The following INTS3 variants were observed in gnomAD, a reference collection of about 807,000 sequenced individuals.
INTS3 encodes SOSS complex subunit A.
A neutral mutation model predicts 146.3 loss-of-function variants in INTS3; 34 were observed. The observed-to-expected ratio is 0.23, with a 90% CI of 0.18 to 0.31. INTS3 has a LOEUF of 0.31. INTS3 is among the 10% of genes least tolerant of loss of function. The pLI is 1.00. For synonymous variants in INTS3, 475 were observed against 494.9 expected, an observed-to-expected ratio of 0.96 and a Z score of 0.53; for missense variants, 757 against 1,304.2, an observed-to-expected ratio of 0.58 and a Z score of 6.46.
At chr1:153,737,482 T>C (rs1671346411) in intron 1 of INTS3, among the ~76,000 whole-genome samples, 1 of 152,144 alleles carries the variant, frequency 6.6e-6, no homozygotes, top group South Asian at 2.1e-4. Context: ...GCTATTTTCA[T>C]CCTTGTTTAA....
chr1:153,771,702 T>C, intron 25 of INTS3, 94 bp from the exon 26 acceptor site: 1 of 1,228,550 alleles, frequency 8.1e-7, no homozygotes, highest in Non-Finnish European at 1.2e-6. Flanking sequence ...AGTGGGTGGG[T>C]GGGGAGGCCA....
In INTS3 at chr1:153,757,181, T is replaced by TA. The variant is rs1489937610; in HGVS notation, c.958-390dup. ...TTGAGTGGTGAACAGACCCAGCTCT[T>TA]ACTCTTGAAGAACATTTCTTGCTGT... On this transcript the variant is annotated intron_variant, in intron 9 of 29. Coordinates refer to ENST00000318967, the MANE Select transcript of INTS3 (RefSeq NM_023015.5). This position sits in a 1 kb window ranked among gnomAD's most constrained non-coding sequence, Gnocchi z 4.0. 1.3e-5 allele frequency among the ~76,000 whole-genome samples: 2 copies of TA among 152,314 alleles called. No individual in the cohort carries two copies. Among genetic ancestry groups the TA allele is most frequent in the Non-Finnish European group, 2.9e-5 (2 of 68,030 alleles).
At chr1:153,761,786 C>A in intron 14 of INTS3, 110 bp downstream of exon 14, 1 of 613,214 alleles carries the variant, frequency 1.6e-6, no homozygotes, top group Non-Finnish European at 2.9e-6. Flanking sequence ...ACTTCCGTGA[C>A]ACTGTCCATC....
rs1672350264 is a variant in INTS3 at position 153,760,640 on chromosome 1, G to A, written c.1318-187G>A. The A allele has an allele frequency of 1.3e-5, 8 of 631,534 alleles. No individual in the cohort carries two copies. The East Asian group carries it at 1.9e-4, about 15-fold the overall frequency. 39.1% of individuals were successfully genotyped at this position (631,534 alleles called of 1,614,324 possible). A position where few individuals can be genotyped will look rare whatever the true frequency, so the allele number is the denominator to read the frequency against. ...TCAAGGTAGAATCTGGTTTCCTTGG[G>A]GAGCAGCCAGGTCCAGTAAGAATTT... On this transcript the variant is annotated intron_variant, in intron 12 of 29. Transcript: ENST00000318967.
chr1:153,752,246 T>A (rs1482193048), intron 7 of INTS3, 33 bp from the exon 8 acceptor site: 1 of 1,608,750 alleles, frequency 6.2e-7, no homozygotes, highest in East Asian at 2.2e-5. Flanking sequence ...TTTTATTCTC[T>A]TTCCTGTCCC....
chr1:153,759,146 G>C (rs1276699358), intron 10 of INTS3, among the ~76,000 whole-genome samples: 1 of 151,546 alleles, frequency 6.6e-6, no homozygotes, highest in African/African-American at 2.4e-5. Flanking sequence ...TGAGCCAGGT[G>C]AGGTGGTGCG....
In INTS3 at chr1:153,772,888, G is replaced by A. The variant is rs1283818238; in HGVS notation, c.2895-37G>A. The A allele has an allele frequency of 6.2e-7, 1 of 1,611,582 alleles. No homozygotes were observed. The highest frequency in any genetic ancestry group is 8.5e-7 in the Non-Finnish European group (1 of 1,178,122). ...GATGGGAGGTGCCGTAGGAGCAGCA[G>A]GCTCCCACTCAAAGAGCTACCGCTC... is the stretch of plus-strand genomic sequence containing the variant. On this transcript the variant is annotated intron_variant, in intron 28 of 29. Transcript: ENST00000318967. This position sits in a 1 kb window ranked among gnomAD's most constrained non-coding sequence, Gnocchi z 4.6.
At chr1:153,761,520 T>A (rs201573012) in intron 13 of INTS3, 50 bp from the exon 14 acceptor site, 2 of 1,354,982 alleles carry the variant, frequency 1.5e-6, no homozygotes, top group Non-Finnish European at 2.1e-6. Flanking sequence ...CAAAAAAAAA[T>A]AAAAATAAGA....
chr1:153,763,562 A>G (rs1672468626), intron 16 of INTS3, among the ~76,000 whole-genome samples, 200 bp downstream of exon 16: 1 of 152,184 alleles, frequency 6.6e-6, no homozygotes, highest in South Asian at 2.1e-4. Context: ...CTCATTCCGT[A>G]ACACCTTGAG....
chr1:153,746,462 G>A (rs767282721), intron 3 of INTS3, among the ~76,000 whole-genome samples: 2 of 151,312 alleles, frequency 1.3e-5, no homozygotes, highest in African/African-American at 2.4e-5. Flanking sequence ...GTGCAGTGGC[G>A]CGATCTCCGC....
chr1:153,762,742 C>G lies in INTS3; in HGVS notation c.1531C>G (p.Pro511Ala). 1.2e-6 allele frequency: 2 copies of G among 1,614,160 alleles called. No individual in the cohort carries two copies. The highest frequency in any genetic ancestry group is 1.6e-4 in the Middle Eastern group (1 of 6,062). ...TTACTCCCAAGTCAAAATTGAGGAG[C>G]CAGTTTCCATGGAGATGGACAACCA... The part of the protein sequence containing the change: ...SPPVEVKIEE[P>A]VSMEMDNHMS... Residue 511 changes from proline to alanine, a missense_variant, in exon 15 of 30, where the codon CCA becomes GCA. By Grantham distance (27) the Pro-to-Ala change is conservative. Around this residue, in one of 8 missense-constraint regions of INTS3, gnomAD observed 97 missense variants for 113.6 expected, o/e 0.85. Coordinates refer to ENST00000318967, the MANE Select transcript of INTS3 (RefSeq NM_023015.5).
At chr1:153,735,678 C>T (rs983402804) in intron 1 of INTS3, among the ~76,000 whole-genome samples, 1 of 152,174 alleles carries the variant, frequency 6.6e-6, no homozygotes. Flanking sequence ...CTGAACCTAG[C>T]AGCTGGATGT....
intron 5 of INTS3, chr1:153,748,386 T>G: frequency 2.6e-6 from 1 of 390,368 alleles, no homozygotes; most frequent in Non-Finnish European, 4.9e-6. Context: ...ACTGTGGGCT[T>G]CTTATATCTA....
chr1:153,761,618 G>A lies in INTS3; in HGVS notation c.1458G>A (p.Arg486=). Reference sequence around the variant, plus strand: ...ACCCTAAGTTGGATAAGGAGCTGCGGGCAATGCTGAGAGAGAAGTTTCCTG... The same window carrying A: ...ACCCTAAGTTGGATAAGGAGCTGCGAGCAATGCTGAGAGAGAAGTTTCCTG... The part of the protein sequence containing the change: ...FDNPKLDKEL[R]AMLREKFPEF... Residue 486 remains arginine (R), a synonymous_variant, in exon 14 of 30, where the codon CGG becomes CGA. Transcript: ENST00000318967. 6.2e-7 allele frequency: 1 copy of A among 1,614,186 alleles called. No individual in the cohort carries two copies. The highest frequency in any genetic ancestry group is 1.1e-5 in the South Asian group (1 of 91,086).
Position 153,771,926 on chromosome 1 carries a change from C to T in INTS3, c.2683C>T (p.Leu895Phe). 6.2e-7 allele frequency: 1 copy of T among 1,614,004 alleles called. No homozygotes were observed. The highest frequency in any genetic ancestry group is 8.5e-7 in the Non-Finnish European group (1 of 1,179,960). The change falls in exon 26 of 30, where the codon CTC (leucine) becomes TTC (phenylalanine). Residue 895 changes from leucine (L) to phenylalanine (F), a missense_variant. Physicochemically the swap from Leu to Phe is conservative, Grantham distance 22. Around this residue, in one of 8 missense-constraint regions of INTS3, gnomAD observed 116 missense variants for 226.5 expected, o/e 0.51. Coordinates refer to ENST00000318967, the MANE Select transcript of INTS3 (RefSeq NM_023015.5). ...GCTGGCCGAGCACATCAAGTCCCTG[C>T]TCATCAAGAACAACAGCCTGCCTCG... ...ELLAEHIKSL[L>F]IKNNSLPRKR...
At chr1:153,730,481 T>G (rs776806724) in intron 1 of INTS3, among the ~76,000 whole-genome samples, 2 of 152,082 alleles carry the variant, frequency 1.3e-5, no homozygotes, top group Non-Finnish European at 2.9e-5. Context: ...CCTCCATCAG[T>G]TTGAGTGGAG....
chr1:153,772,119 C>T lies in INTS3; in HGVS notation c.2720+156C>T, dbSNP rs529416571. 1.9e-4 allele frequency among the ~76,000 whole-genome samples: 29 copies of T among 152,124 alleles called. No homozygotes were observed. The highest frequency in any genetic ancestry group is 4.6e-4 in the Admixed American group (7 of 15,272). ...TAGTGGTCCGAAGCCACATGGCATGCGAGACCACCGTGGCCCTTTCTCCCC... is the reference window on the plus strand; with the variant it reads ...TAGTGGTCCGAAGCCACATGGCATGTGAGACCACCGTGGCCCTTTCTCCCC... On this transcript the variant is annotated intron_variant, in intron 26 of 29. Coordinates refer to ENST00000318967, the MANE Select transcript of INTS3 (RefSeq NM_023015.5). The surrounding 1 kb of genome is among the most constrained non-coding windows in gnomAD (Gnocchi z 4.6).
chr1:153,774,795 C>CTCT lies in INTS3; in HGVS notation c.*1525_*1526insTCT. On this transcript the variant is annotated 3_prime_UTR_variant, in exon 30 of 30. Transcript: ENST00000318967. ...CAGTTTCCTCTGTCCCAATTAAAAC[C>CTCT]AGGATGGAGAGCATTTGCTGGCTGG... The CTCT allele has an allele frequency of 3.1e-6, 1 of 323,298 alleles. No individual in the cohort carries two copies. Among genetic ancestry groups the CTCT allele is most frequent in the South Asian group, 4.9e-5 (1 of 20,224 alleles). 20.0% of individuals were successfully genotyped at this position (323,298 alleles called of 1,614,324 possible).
intron 9 of INTS3, among the ~76,000 whole-genome samples, chr1:153,756,551 C>T (rs1406786072): frequency 6.6e-6 from 1 of 151,948 alleles, no homozygotes; most frequent in Admixed American, 6.5e-5. Context: ...TGCGGTGGCT[C>T]ACGCCTGTAA....
Sources: gnomAD v4.1 joint callset for allele counts (sites outside exome capture counted in the v4.1 genomes callset) on GRCh38, gnomAD v4.1.1 for gene constraint, gnomAD v4.1.1 regional missense constraint, Gnocchi (gnomAD v3.1) non-coding constraint, MANE v1.5 for transcripts, NCBI Gene and HGNC (gene_info 2026-07-23, HGNC 2026-07-21) for gene names.